Variants in GALNTL6 observed in about 807,000 individuals in gnomAD.
GALNTL6 encodes polypeptide N-acetylgalactosaminyltransferase like 6.
A neutral mutation model predicts 73.7 loss-of-function variants in GALNTL6; 46 were observed. The observed-to-expected ratio is 0.62, with a 90% CI of 0.49 to 0.80. The LOEUF is 0.80. Among genes scored for constraint, GALNTL6 ranks in the 30% least tolerant of loss-of-function variants. The pLI is 0.00. For synonymous variants in GALNTL6, 259 were observed against 263.7 expected, an observed-to-expected ratio of 0.98 and a Z score of 0.17; for missense variants, 604 against 755.0, an observed-to-expected ratio of 0.80 and a Z score of 2.34.
chr4:172,571,546 T>G (rs1286389659), intron 5 of GALNTL6, among the ~76,000 whole-genome samples: 1 of 152,178 alleles, frequency 6.6e-6, no homozygotes, highest in Non-Finnish European at 1.5e-5. Context: ...GCAGAGACAC[T>G]ATCGAACGTA....
intron 5 of GALNTL6, among the ~76,000 whole-genome samples, chr4:172,410,132 T>G (rs944692363): frequency 6.6e-6 from 1 of 152,060 alleles, no homozygotes; most frequent in African/African-American, 2.4e-5. Flanking sequence ...ATTAACTTTT[T>G]GTTATTTGAA....
chr4:172,470,986 C>T (rs1330033050), intron 5 of GALNTL6, among the ~76,000 whole-genome samples: 1 of 152,170 alleles, frequency 6.6e-6, no homozygotes, highest in Non-Finnish European at 1.5e-5. Context: ...AGATGGTCTG[C>T]ACCAGTTTGT....
At chr4:172,012,476 TTAA>T (rs1221954873) in intron 2 of GALNTL6, among the ~76,000 whole-genome samples, 1 of 152,144 alleles carries the variant, frequency 6.6e-6, no homozygotes, top group African/African-American at 2.4e-5. Flanking sequence ...TTTTTCTCTC[TTAA>T]TGCCATTGAC....
At chr4:172,416,922 A>C (rs907448538) in intron 5 of GALNTL6, among the ~76,000 whole-genome samples, 17 of 152,164 alleles carry the variant, frequency 1.1e-4, no homozygotes, top group African/African-American at 3.9e-4. Flanking sequence ...CTTCAAATTC[A>C]TAAGCTTGTG....
intron 2 of GALNTL6, among the ~76,000 whole-genome samples, chr4:171,853,715 G>A (rs190472497): frequency 1.4e-4 from 20 of 141,302 alleles, no homozygotes; most frequent in Admixed American, 8.3e-4. Context: ...AGGTCCAAGC[G>A]ATTCTCCTGC....
intron 4 of GALNTL6, 132 bp from the exon 5 acceptor site, chr4:172,348,391 C>A: frequency 1.5e-6 from 1 of 650,852 alleles, no homozygotes; most frequent in Non-Finnish European, 2.6e-6. Flanking sequence ...TCATGCTGTA[C>A]AAACTCTGGT....
At chr4:172,263,058 C>T (rs965830521) in intron 3 of GALNTL6, among the ~76,000 whole-genome samples, 4 of 151,334 alleles carry the variant, frequency 2.6e-5, no homozygotes, top group African/African-American at 7.3e-5. Context: ...AGATTGTTTC[C>T]TTCATCTTGA....
At chr4:171,998,328 A>G (rs1301934787) in intron 2 of GALNTL6, among the ~76,000 whole-genome samples, 1 of 152,130 alleles carries the variant, frequency 6.6e-6, no homozygotes, top group African/African-American at 2.4e-5. Context: ...TGAGTCAAAA[A>G]TCAAGGTGCT....
intron 3 of GALNTL6, among the ~76,000 whole-genome samples, chr4:172,243,402 G>A (rs1431604873): frequency 6.6e-6 from 1 of 152,060 alleles, no homozygotes; most frequent in East Asian, 1.9e-4. Context: ...TTACACACAT[G>A]TATTTACGTT....
At chr4:172,983,660 A>C (rs1056071448) in intron 10 of GALNTL6, among the ~76,000 whole-genome samples, 2 of 152,154 alleles carry the variant, frequency 1.3e-5, no homozygotes, top group African/African-American at 4.8e-5. Context: ...GCACCATTGC[A>C]CTCCAGCCTG....
At chr4:172,764,465 T>C (rs1560936726) in intron 5 of GALNTL6, among the ~76,000 whole-genome samples, 1 of 151,972 alleles carries the variant, frequency 6.6e-6, no homozygotes, top group African/African-American at 2.4e-5. Context: ...ATAATTATTG[T>C]ACAGTTATTT....
chr4:172,327,397 A>G (rs1392073673), intron 4 of GALNTL6, among the ~76,000 whole-genome samples: 1 of 152,150 alleles, frequency 6.6e-6, no homozygotes, highest in African/African-American at 2.4e-5. Context: ...AGAGTTCTGT[A>G]GAGGTCTATC....
At position 171,874,126 on chromosome 4, in the gene GALNTL6, T is replaced by C. The variant is rs17057524; in HGVS notation, c.138+59408T>C. On this transcript the variant is annotated intron_variant, in intron 2 of 12. Transcript: ENST00000506823. ...GTGTTCTTCATGTGCACAAACATGG[T>C]TAATAATAGATTTGACACAAACCTT... is the stretch of plus-strand genomic sequence containing the variant. Among the ~76,000 whole-genome samples, 1,316 of 152,314 alleles carry C rather than the reference T, an allele frequency of 8.6e-3. 16 individuals carry two copies. Among genetic ancestry groups the C allele is most frequent in the African/African-American group, 0.03 (1,248 of 41,572 alleles).
chr4:172,717,032 A>G (rs1735147116), intron 5 of GALNTL6, among the ~76,000 whole-genome samples: 1 of 152,210 alleles, frequency 6.6e-6, no homozygotes, highest in African/African-American at 2.4e-5. Context: ...ATGCCCCTAT[A>G]TATTAACACT....
chr4:172,188,242 A>G (rs1735472751), intron 2 of GALNTL6, among the ~76,000 whole-genome samples: 1 of 152,196 alleles, frequency 6.6e-6, no homozygotes, highest in African/African-American at 2.4e-5. Flanking sequence ...AAATTGTTTC[A>G]TGCTCTCCAA....
chr4:172,293,193 A>G (rs1176568922), intron 3 of GALNTL6, among the ~76,000 whole-genome samples: 3 of 152,064 alleles, frequency 2.0e-5, no homozygotes, highest in Admixed American at 2.0e-4. Context: ...GAATATGTTT[A>G]TGTTTTTATC....
chr4:172,775,997 T>A (rs1279594821), intron 5 of GALNTL6, among the ~76,000 whole-genome samples: 1 of 151,994 alleles, frequency 6.6e-6, no homozygotes, highest in Non-Finnish European at 1.5e-5. Context: ...GGGAGGAGAA[T>A]CATCCCCAAC....
chr4:172,367,128 A>G (rs956483337), intron 5 of GALNTL6, among the ~76,000 whole-genome samples: 2 of 152,154 alleles, frequency 1.3e-5, no homozygotes, highest in East Asian at 3.9e-4. Context: ...TCTTTTCTTT[A>G]GATAAATTTA....
In GALNTL6 at chr4:172,853,010, G is replaced by A. The variant is rs1743918954; in HGVS notation, c.924-29780G>A. Among the ~76,000 whole-genome samples, 2 of 152,164 alleles carry A rather than the reference G, an allele frequency of 1.3e-5. 1 individual carries two copies. The highest frequency in any genetic ancestry group is 4.1e-4 in the South Asian group (2 of 4,824). On this transcript the variant is annotated intron_variant, in intron 7 of 12. Transcript: ENST00000506823. ...GGACCTGTCAGTTACCCAGTGCTAT[G>A]TAATCCAATTTTCACAAAATTAACG... is the stretch of plus-strand genomic sequence containing the variant.
Sources: gnomAD v4.1 joint callset for allele counts (sites outside exome capture counted in the v4.1 genomes callset) on GRCh38, gnomAD v4.1.1 for gene constraint, MANE v1.5 for transcripts, NCBI Gene and HGNC (gene_info 2026-07-23, HGNC 2026-07-21) for gene names.